Variants in CSF2RA observed in about 807,000 individuals in gnomAD.
The protein encoded by CSF2RA is colony stimulating factor 2 receptor subunit alpha.
CSF2RA carries 42 observed loss-of-function variants against 51.6 expected under a neutral mutation model. The observed-to-expected ratio is 0.81, with a 90% CI of 0.64 to 1.05. The LOEUF (loss-of-function observed/expected upper bound fraction) is 1.05. CSF2RA is among the 50% of genes least tolerant of loss of function. The pLI is 0.00. For missense variants in CSF2RA, 530 were observed against 501.1 expected, an observed-to-expected ratio of 1.06 and a Z score of -0.55; for synonymous variants, 222 against 193.0, an observed-to-expected ratio of 1.15 and a Z score of -1.24.
chrX:1,282,278 A>T (rs1173920156), intron 2 of CSF2RA: 2 of 214,252 alleles, frequency 9.3e-6, no homozygotes, highest in Admixed American at 5.2e-5. Flanking sequence ...GCCATCGTTT[A>T]TCTTATTTCC....
At chrX:1,289,515 T>C (rs1179571231) in intron 6 of CSF2RA, among the ~76,000 whole-genome samples, 1 of 152,080 alleles carries the variant, frequency 6.6e-6, no homozygotes, top group African/African-American at 2.4e-5. Context: ...TGTTCTTGTT[T>C]TGTTTTGTGT....
downstream of CSF2RA, among the ~76,000 whole-genome samples, chrX:1,315,124 G>C (rs1253549151): frequency 6.6e-6 from 1 of 151,880 alleles, no homozygotes; most frequent in Non-Finnish European, 1.5e-5. Flanking sequence ...CACACTGTGG[G>C]GGGGAGGGTC....
At position 1,305,547 on chromosome X, in the gene CSF2RA, G is replaced by C. The variant is rs775218578; in HGVS notation, c.1125+20G>C. Reference sequence around the variant, plus strand: ...GACGAGGTAGGCAGGGGTGGGCGGAGCAGTGACCTGGGATGGAAGGTGGGG... The same window carrying C: ...GACGAGGTAGGCAGGGGTGGGCGGACCAGTGACCTGGGATGGAAGGTGGGG... On this transcript the variant is annotated intron_variant, in intron 12 of 12. Coordinates refer to ENST00000381529, the MANE Select transcript of CSF2RA (RefSeq NM_172245.4). 6.2e-7 allele frequency: 1 copy of C among 1,613,908 alleles called. No homozygotes were observed. The highest frequency in any genetic ancestry group is 1.3e-5 in the African/African-American group (1 of 74,936).
chrX:1,272,825 C>CT (rs769498285), intron 1 of CSF2RA, among the ~76,000 whole-genome samples: 99 of 131,456 alleles, frequency 7.5e-4, no homozygotes, highest in African/African-American at 2.1e-3. Context: ...TTCTTTTTTT[C>CT]TTTTTTTTTT....
chrX:1,309,620 C>T lies in CSF2RA; in HGVS notation c.*141C>T, dbSNP rs1378860148. ...TGACATTTGGGGCCAGGCGCGGTGG[C>T]TCACGCCTGTAATCCCAGCACTTTG... On this transcript the variant is annotated 3_prime_UTR_variant, in exon 13 of 13. Coordinates refer to ENST00000381529, the MANE Select transcript of CSF2RA (RefSeq NM_172245.4). The T allele has an allele frequency of 6.2e-7, 1 of 1,601,516 alleles. No homozygotes were observed. Among genetic ancestry groups the T allele is most frequent in the Non-Finnish European group, 8.6e-7 (1 of 1,168,840 alleles).
At chrX:1,269,646 AGAGATG>A (rs1481264759) in intron 1 of CSF2RA, among the ~76,000 whole-genome samples, 39 of 57,014 alleles carry the variant, frequency 6.8e-4, no homozygotes, top group African/African-American at 2.8e-3. Context: ...AGAAAAAAAA[AGAGATG>A]AAAAGAGATG....
At chrX:1,300,383 G>C in intron 9 of CSF2RA, 108 bp from the exon 10 acceptor site, 2 of 1,370,950 alleles carry the variant, frequency 1.5e-6, no homozygotes, top group South Asian at 1.3e-5. Flanking sequence ...AGAAGAAAAA[G>C]AAAAAAAGAA....
rs779979042 is a variant in CSF2RA, at chrX:1,309,447, G to A, written c.1171G>A (p.Glu391Lys). 83 of 1,613,858 alleles carry A rather than the reference G, an allele frequency of 5.1e-5. No individual in the cohort carries two copies. The highest frequency in any genetic ancestry group is 6.7e-5 in the African/African-American group (5 of 74,928). ...FTPEEGKGYR[E>K]EVLTVKEIT ...CCCAGAGGAAGGGAAAGGCTACCGC[G>A]AAGAGGTCTTGACCGTGAAGGAAAT... Residue 391 changes from glutamate (E) to lysine (K), a missense_variant, in exon 13 of 13, where the codon GAA becomes AAA. Coordinates refer to ENST00000381529, the MANE Select transcript of CSF2RA (RefSeq NM_172245.4).
the CSF2RA span, among the ~76,000 whole-genome samples, chrX:1,324,652 G>T: frequency 6.6e-6 from 1 of 152,076 alleles, no homozygotes; most frequent in African/African-American, 2.4e-5. Context: ...TAAGTGCTTT[G>T]GCCCCACTGT....
the CSF2RA span, among the ~76,000 whole-genome samples, chrX:1,318,288 C>G: frequency 3.0e-3 from 458 of 152,028 alleles, 3 homozygotes; most frequent in African/African-American, 0.011. Flanking sequence ...CTCAGCCTCC[C>G]AAGTAGCTGG....
Position 1,305,632 on chromosome X carries a change from G to T in CSF2RA, c.1125+105G>T, listed in dbSNP as rs759769379. 3.0e-5 allele frequency: 49 copies of T among 1,613,016 alleles called. No individual in the cohort carries two copies. The African/African-American group carries it at 6.3e-4, about 21-fold the overall frequency. ...ACCATCTTGCTTCTCCACCAGATGG[G>T]ACCGCAGCGTCACCACCGGTGTGGC... is the stretch of plus-strand genomic sequence containing the variant. On this transcript the variant is annotated intron_variant, in intron 12 of 12. Transcript: ENST00000381529.
the CSF2RA span, among the ~76,000 whole-genome samples, chrX:1,318,776 G>A: frequency 6.6e-6 from 1 of 150,710 alleles, no homozygotes; most frequent in Non-Finnish European, 1.5e-5. Flanking sequence ...AATGAGCCTG[G>A]CATGGTGGCG....
chrX:1,321,241 G>A, the CSF2RA span, among the ~76,000 whole-genome samples: 5 of 152,084 alleles, frequency 3.3e-5, no homozygotes, highest in African/African-American at 4.8e-5. Flanking sequence ...AGGCCGAGGC[G>A]GGTGGATCAC....
rs1384632418 is a variant in CSF2RA at position 1,268,850 on chromosome X, G to C, written c.-120G>C. ...GGAGTCTCCGAGAGAAGAAAAGCAGGTGGAAGGAGAGGAAGCGGATGCCGT... is the reference window on the plus strand; with the variant it reads ...GGAGTCTCCGAGAGAAGAAAAGCAGCTGGAAGGAGAGGAAGCGGATGCCGT... On this transcript the variant is annotated 5_prime_UTR_variant, in exon 1 of 13. Coordinates refer to ENST00000381529, the MANE Select transcript of CSF2RA (RefSeq NM_172245.4). 2 of 454,044 alleles carry C rather than the reference G, an allele frequency of 4.4e-6. No homozygotes were observed. The highest frequency in any genetic ancestry group is 1.6e-5 in the South Asian group (1 of 64,482). 28.1% of individuals were successfully genotyped at this position (454,044 alleles called of 1,614,324 possible). A position where few individuals can be genotyped will look rare whatever the true frequency, so the allele number is the denominator to read the frequency against.
intron 10 of CSF2RA, chrX:1,303,460 G>A (rs190322385): frequency 6.1e-4 from 261 of 429,194 alleles, no homozygotes; most frequent in African/African-American, 4.9e-3. Context: ...GGCTTGTCTC[G>A]AACTCCTGAC....
At chrX:1,315,695 T>G in the CSF2RA span, among the ~76,000 whole-genome samples, 1 of 151,964 alleles carries the variant, frequency 6.6e-6, no homozygotes, top group Non-Finnish European at 1.5e-5. Context: ...GTGAGCCACC[T>G]TGCCCAGCCA....
In CSF2RA at chrX:1,281,168, C is replaced by CCTCCTTCTCCTCCTT. The variant is rs1302156205; in HGVS notation, c.-26-1489_-26-1475dup. Among the ~76,000 whole-genome samples, 14 of 117,726 alleles carry CCTCCTTCTCCTCCTT rather than the reference C, an allele frequency of 1.2e-4. No homozygotes were observed. The East Asian group carries it at 1.9e-3, about 16-fold the overall frequency. 77.2% of individuals were successfully genotyped at this position (117,726 alleles called of 152,430 possible). A position where few individuals can be genotyped will look rare whatever the true frequency, so the allele number is the denominator to read the frequency against. On this transcript the variant is annotated intron_variant, in intron 2 of 12. Coordinates refer to ENST00000381529, the MANE Select transcript of CSF2RA (RefSeq NM_172245.4). ...CTCCAGCTCCCCTTCTCCTCCTACT[C>CCTCCTTCTCCTCCTT]CTCCTTCTCCTCCTTCTCCTTCTCC...
chrX:1,305,445 G>A lies in CSF2RA; in HGVS notation c.1044-1G>A. 6.2e-7 allele frequency: 1 copy of A among 1,613,980 alleles called. No individual in the cohort carries two copies. The highest frequency in any genetic ancestry group is 1.7e-5 in the Admixed American group (1 of 60,002). On this transcript the variant is annotated splice_acceptor_variant, in intron 11 of 12. Transcript: ENST00000381529. LOFTEE classifies it high-confidence loss of function. The stretch of plus-strand genomic sequence containing the variant: ...CTTCACACTTTTTCTCTGTGTCTCA[G>A]GTTCCTTAGGATACAGCGGCTGTTC...
chrX:1,303,178 C>G, intron 10 of CSF2RA: 1 of 267,604 alleles, frequency 3.7e-6, no homozygotes, highest in Non-Finnish European at 7.1e-6. Flanking sequence ...CTGCCTCAGC[C>G]TCCTGAGTAG....
Sources: allele counts gnomAD v4.1 joint callset (sites outside exome capture counted in the v4.1 genomes callset), GRCh38; gene constraint gnomAD v4.1.1; transcripts MANE v1.5; gene names NCBI Gene and HGNC (gene_info 2026-07-23, HGNC 2026-07-21).